The following SMOC2 variants were observed in gnomAD, a reference collection of about 807,000 sequenced individuals.
SMOC2 encodes SPARC related modular calcium binding 2.
Under a neutral mutation model 61.4 loss-of-function variants are expected in SMOC2, and 39 were observed. The observed-to-expected ratio is 0.64, with a 90% confidence interval of 0.49 to 0.83. The LOEUF is 0.83. Among genes scored for constraint, SMOC2 ranks in the 40% least tolerant of loss-of-function variants. SMOC2 has a pLI of 0.00. For synonymous variants in SMOC2, 247 were observed against 239.9 expected (o/e 1.03, Z -0.27); for missense variants, 556 against 592.9 (o/e 0.94, Z 0.65).
intron 1 of SMOC2, among the ~76,000 whole-genome samples, chr6:168,487,045 A>T (rs1782354003): frequency 6.6e-6 from 1 of 152,180 alleles, no homozygotes; most frequent in South Asian, 2.1e-4. Flanking sequence ...GAATTAAGTG[A>T]CATGGCCCTC....
chr6:168,529,865 G>A (rs1003872745), intron 4 of SMOC2, among the ~76,000 whole-genome samples: 2 of 152,246 alleles, frequency 1.3e-5, no homozygotes, highest in Non-Finnish European at 2.9e-5. Flanking sequence ...ATGGGCCACA[G>A]CTGGGCAGTG....
intron 6 of SMOC2, among the ~76,000 whole-genome samples, chr6:168,548,250 AC>A (rs1264387778): frequency 6.6e-6 from 1 of 151,828 alleles, no homozygotes; most frequent in Non-Finnish European, 1.5e-5. Context: ...GTGGCAATTG[AC>A]CCAAGTCCAT....
chr6:168,663,930 T>C (rs1188834140), intron 11 of SMOC2, 144 bp from the exon 12 acceptor site: 9 of 642,702 alleles, frequency 1.4e-5, no homozygotes, highest in African/African-American at 7.3e-5. Context: ...GGAATGACTG[T>C]ATGTGGTTTT....
intron 9 of SMOC2, among the ~76,000 whole-genome samples, chr6:168,623,348 T>TTTTTTTTA (rs1786294156): frequency 8.1e-5 from 12 of 148,526 alleles, no homozygotes; most frequent in East Asian, 4.0e-4. Context: ...TTTTTTTTTT[T>TTTTTTTTA]GAGACAGAGT....
chr6:168,473,729 A>G (rs1409648069), intron 1 of SMOC2, among the ~76,000 whole-genome samples: 1 of 152,112 alleles, frequency 6.6e-6, no homozygotes, highest in African/African-American at 2.4e-5. Flanking sequence ...GGTCACCGTA[A>G]CTGATGAGGG....
rs145607893 is a variant in SMOC2, at chr6:168,653,191, G to A, written c.1248G>A (p.Ala416=). 5.3e-5 allele frequency: 85 copies of A among 1,614,110 alleles called. No individual in the cohort carries two copies. Among genetic ancestry groups the A allele is most frequent in the East Asian group, 3.6e-4 (16 of 44,882 alleles). Residue 416 remains alanine (A), a synonymous_variant, in exon 11 of 13, where the codon GCG becomes GCA. Transcript: ENST00000356284. Reference sequence around the variant, plus strand: ...AACTGATGGGCTGCCTGGGCGTGGCGAAAGAGGACGGCAAAGCGGACACCA... The same window carrying A: ...AACTGATGGGCTGCCTGGGCGTGGCAAAAGAGGACGGCAAAGCGGACACCA... ...VQELMGCLGV[A]KEDGKADTKK...
At chr6:168,451,481 C>A in intron 1 of SMOC2, among the ~76,000 whole-genome samples, 1 of 152,162 alleles carries the variant, frequency 6.6e-6, no homozygotes, top group East Asian at 1.9e-4. Flanking sequence ...CACTCTGTAC[C>A]CTTCTCTCCT....
At chr6:168,530,452 G>T (rs188315170) in intron 4 of SMOC2, among the ~76,000 whole-genome samples, 1 of 152,072 alleles carries the variant, frequency 6.6e-6, no homozygotes, top group East Asian at 1.9e-4. Flanking sequence ...CAGAAAAACG[G>T]CCAAAAGTCT....
At chr6:168,510,763 G>A (rs1782988341) in intron 2 of SMOC2, among the ~76,000 whole-genome samples, 1 of 152,232 alleles carries the variant, frequency 6.6e-6, no homozygotes, top group African/African-American at 2.4e-5. Flanking sequence ...ACTGAGTGCA[G>A]TGTCTACGTC....
chr6:168,587,248 A>G (rs9456221), intron 7 of SMOC2, among the ~76,000 whole-genome samples: 87,982 of 151,964 alleles, frequency 0.58, 26,325 homozygotes, highest in South Asian at 0.7. Context: ...TCTTCCACTA[A>G]CTCCTCCCGC....
rs780548265 is a variant in SMOC2, at chr6:168,560,598, G to A, written c.637+11395G>A. Among the ~76,000 whole-genome samples, 257 of 45,220 alleles carry A rather than the reference G, an allele frequency of 5.7e-3. 2 individuals carry two copies. The highest frequency in any genetic ancestry group is 6.0e-3 in the Non-Finnish European group (144 of 24,168). The allele number at this position is 45,220 out of a possible 152,430, so 29.7% of individuals were successfully genotyped here. A position where few individuals can be genotyped will look rare whatever the true frequency, so the allele number is the denominator to read the frequency against. ...TTCTTGGAGGAGGTGTCATTTTCCTGCCCTGAGACACGAGGCTCTCACTGC... is the reference window on the plus strand; with the variant it reads ...TTCTTGGAGGAGGTGTCATTTTCCTACCCTGAGACACGAGGCTCTCACTGC... On this transcript the variant is annotated intron_variant, in intron 7 of 12. Transcript: ENST00000356284.
At chr6:168,517,189 A>C (rs769972266) in intron 2 of SMOC2, among the ~76,000 whole-genome samples, 3 of 152,038 alleles carry the variant, frequency 2.0e-5, no homozygotes, top group Non-Finnish European at 4.4e-5. Flanking sequence ...GTCAGCTGTG[A>C]GGCCTCGCTC....
chr6:168,599,560 A>ACTCACACACTCCCC (rs1785463869), intron 8 of SMOC2, among the ~76,000 whole-genome samples: 1 of 4,348 alleles, frequency 2.3e-4, no homozygotes, highest in African/African-American at 7.9e-4. Flanking sequence ...TCATACCCCC[A>ACTCACACACTCCCC]TACACACCCA....
intron 9 of SMOC2, among the ~76,000 whole-genome samples, chr6:168,630,293 G>A (rs1343043016): frequency 6.6e-6 from 1 of 152,194 alleles, no homozygotes; most frequent in Non-Finnish European, 1.5e-5. Context: ...GAAGAACGTG[G>A]ATTGTGAAGA....
intron 7 of SMOC2, among the ~76,000 whole-genome samples, chr6:168,591,836 A>G (rs1785187766): frequency 1.4e-5 from 2 of 142,932 alleles, no homozygotes; most frequent in South Asian, 4.7e-4. Context: ...GAAAAGTGAC[A>G]TATTTTCATC....
intron 11 of SMOC2, among the ~76,000 whole-genome samples, chr6:168,659,738 T>C (rs373997014): frequency 7.5e-4 from 20 of 26,498 alleles, no homozygotes; most frequent in African/African-American, 2.7e-3. Context: ...AGGTTGTAGG[T>C]TGGGTGAGGA....
intron 1 of SMOC2, among the ~76,000 whole-genome samples, chr6:168,509,065 C>G (rs1039991425): frequency 1.3e-5 from 2 of 152,134 alleles, no homozygotes; most frequent in African/African-American, 4.8e-5. Context: ...GTTGGCCGGT[C>G]AGGAAGTGGC....
At chr6:168,488,215 C>G (rs1251527249) in intron 1 of SMOC2, among the ~76,000 whole-genome samples, 1 of 152,212 alleles carries the variant, frequency 6.6e-6, no homozygotes, top group Non-Finnish European at 1.5e-5. Context: ...GCCCCTGGTG[C>G]CTCCGGCACT....
chr6:168,653,313 T>A (rs1446133565), intron 11 of SMOC2, 85 bp downstream of exon 11: 1 of 1,489,498 alleles, frequency 6.7e-7, no homozygotes, highest in African/African-American at 1.4e-5. Context: ...CAATTACAGA[T>A]TGTGTTTATG....
Sources: allele counts gnomAD v4.1 joint callset (sites outside exome capture counted in the v4.1 genomes callset), GRCh38; gene constraint gnomAD v4.1.1; transcripts MANE v1.5; gene names NCBI Gene and HGNC (gene_info 2026-07-23, HGNC 2026-07-21).